The following TINAG variants were observed in gnomAD, a reference collection of about 807,000 sequenced individuals.
The protein encoded by TINAG is tubulointerstitial nephritis antigen.
In TINAG, 83 loss-of-function variants were observed where a neutral mutation model predicts 72.7. That is an observed-to-expected ratio of 1.14 (90% CI 0.96 to 1.37). The LOEUF (loss-of-function observed/expected upper bound fraction) is 1.37, where lower values mean the gene tolerates loss of function less well. Ranked by LOEUF, TINAG falls within the 40% of genes most tolerant of loss-of-function variation. TINAG has a pLI of 0.00. For missense variants in TINAG, 685 were observed against 576.6 expected (o/e 1.19, Z -1.93); for synonymous variants, 234 against 189.9 (o/e 1.23, Z -1.91).
intron 9 of TINAG, among the ~76,000 whole-genome samples, chr6:54,367,517 A>G (rs1464076089): frequency 6.6e-6 from 1 of 151,740 alleles, no homozygotes; most frequent in African/African-American, 2.4e-5. Flanking sequence ...ATAAAAGTAT[A>G]TAGAAGCAAA....
chr6:54,381,614 T>A (rs1562186744), intron 10 of TINAG, among the ~76,000 whole-genome samples: 1 of 152,124 alleles, frequency 6.6e-6, no homozygotes. Context: ...TTCTTCTTTA[T>A]ATTTAAACTG....
intron 9 of TINAG, among the ~76,000 whole-genome samples, chr6:54,359,655 ATTTAC>A (rs1763162179): frequency 1.3e-5 from 2 of 151,836 alleles, no homozygotes; most frequent in South Asian, 2.1e-4. Context: ...ATCTTTATAA[ATTTAC>A]TTTACTCACG....
intron 5 of TINAG, 42 bp from the exon 6 acceptor site, chr6:54,347,325 C>A: frequency 2.5e-6 from 4 of 1,599,860 alleles, no homozygotes; most frequent in East Asian, 2.2e-5. Context: ...TTAGAAATAC[C>A]GTGTATCATT....
At chr6:54,310,122 A>T (rs1175884940) in intron 1 of TINAG, among the ~76,000 whole-genome samples, 1 of 110,802 alleles carries the variant, frequency 9.0e-6, no homozygotes, top group African/African-American at 3.7e-5. Context: ...TTGCTCTGTC[A>T]CCCAGACTGG....
chr6:54,379,565 T>G (rs1562185296), intron 9 of TINAG, among the ~76,000 whole-genome samples: 1 of 152,064 alleles, frequency 6.6e-6, no homozygotes, highest in Non-Finnish European at 1.5e-5. Flanking sequence ...ATAAATATTT[T>G]TACATAAACT....
At chr6:54,378,178 T>A (rs1763838729) in intron 9 of TINAG, among the ~76,000 whole-genome samples, 1 of 152,190 alleles carries the variant, frequency 6.6e-6, no homozygotes, top group Admixed American at 6.6e-5. Flanking sequence ...TATTTTTCCA[T>A]GTGTGATATT....
chr6:54,388,019 T>C (rs1764147825), intron 10 of TINAG, among the ~76,000 whole-genome samples: 2 of 152,304 alleles, frequency 1.3e-5, no homozygotes, highest in African/African-American at 4.8e-5. Flanking sequence ...ACAATCTTTA[T>C]ATACCTTTCC....
chr6:54,310,489 T>C (rs1562142466), intron 1 of TINAG, among the ~76,000 whole-genome samples: 3 of 94,868 alleles, frequency 3.2e-5, no homozygotes, highest in African/African-American at 9.6e-5. Context: ...TCTCTTTCTT[T>C]CTTTTCTTCT....
At chr6:54,341,170 C>T (rs772856038) in intron 4 of TINAG, among the ~76,000 whole-genome samples, 3 of 151,976 alleles carry the variant, frequency 2.0e-5, no homozygotes, top group Non-Finnish European at 2.9e-5. Flanking sequence ...AAACATGAGG[C>T]GACTTAGTAT....
intron 7 of TINAG, among the ~76,000 whole-genome samples, 162 bp from the exon 8 acceptor site, chr6:54,351,190 G>A (rs1366503784): frequency 6.6e-6 from 1 of 151,908 alleles, no homozygotes; most frequent in Non-Finnish European, 1.5e-5. Flanking sequence ...AAACAAATGG[G>A]TGCATCTTGT....
At position 54,339,428 on chromosome 6, in the gene TINAG, G is replaced by A. The variant is rs112694437; in HGVS notation, c.625-3798G>A. ...TACATTTCTGCCAACAGAAAAATAC[G>A]AAAGATCAAGACAAAGGAGTAAAAG... On this transcript the variant is annotated intron_variant, in intron 4 of 10. Transcript: ENST00000259782. Among the ~76,000 whole-genome samples the A allele has an allele frequency of 1.7e-3, 258 of 152,198 alleles. 2 individuals carry two copies. Among genetic ancestry groups the A allele is most frequent in the African/African-American group, 4.5e-3 (188 of 41,526 alleles).
chr6:54,344,524 A>T (rs1206138936), intron 5 of TINAG, among the ~76,000 whole-genome samples: 1 of 152,210 alleles, frequency 6.6e-6, no homozygotes, highest in Non-Finnish European at 1.5e-5. Flanking sequence ...GAGAGGTTTA[A>T]TATAATAAAC....
intron 6 of TINAG, 42 bp downstream of exon 6, chr6:54,347,559 T>C (rs1218686914): frequency 2.5e-6 from 4 of 1,601,880 alleles, no homozygotes; most frequent in Middle Eastern, 1.7e-4. Context: ...TTTTTATGAA[T>C]GATGCATTGT....
At chr6:54,337,394 C>T (rs1199821397) in intron 4 of TINAG, among the ~76,000 whole-genome samples, 2 of 151,932 alleles carry the variant, frequency 1.3e-5, no homozygotes, top group East Asian at 3.9e-4. Context: ...GCTGGGATTA[C>T]AGGCATCTGC....
At position 54,320,602 on chromosome 6, in the gene TINAG, T is replaced by C. The variant is rs571242627; in HGVS notation, c.379T>C (p.Tyr127His). The C allele has an allele frequency of 6.2e-7, 1 of 1,608,160 alleles. No individual in the cohort carries two copies. The highest frequency in any genetic ancestry group is 8.5e-7 in the Non-Finnish European group (1 of 1,177,020). The change falls in exon 2 of 11, where the codon TAT becomes CAT. Residue 127 changes from tyrosine to histidine, a missense_variant. Coordinates refer to ENST00000259782, the MANE Select transcript of TINAG (RefSeq NM_014464.4). ...PEGCFKDGQH[Y>H]EEGSVIKENC... ...AGGTTGCTTCAAAGATGGTCAACAT[T>C]ATGAAGAGGGATCAGTAATTAAAGA...
intron 9 of TINAG, among the ~76,000 whole-genome samples, chr6:54,375,814 A>G (rs1763762342): frequency 6.6e-6 from 1 of 152,196 alleles, no homozygotes; most frequent in African/African-American, 2.4e-5. Context: ...TTTTGCTTCT[A>G]GCCGGCTCTC....
At chr6:54,334,599 T>C (rs921490695) in intron 4 of TINAG, among the ~76,000 whole-genome samples, 9 of 152,042 alleles carry the variant, frequency 5.9e-5, no homozygotes, top group African/African-American at 2.2e-4. Flanking sequence ...GACAGGCAAA[T>C]TGAGGTTGAG....
chr6:54,336,091 G>A lies in TINAG; in HGVS notation c.625-7135G>A, dbSNP rs150252498. Reference sequence around the variant, plus strand: ...TCCTTTAGCTTAAGTCATTATTCCCGTAACATGTCTACTGGCTCCTTCACT... The same window carrying A: ...TCCTTTAGCTTAAGTCATTATTCCCATAACATGTCTACTGGCTCCTTCACT... On this transcript the variant is annotated intron_variant, in intron 4 of 10. Coordinates refer to ENST00000259782, the MANE Select transcript of TINAG (RefSeq NM_014464.4). Among the ~76,000 whole-genome samples the A allele has an allele frequency of 3.9e-3, 587 of 151,974 alleles. 7 individuals carry two copies. Among genetic ancestry groups the A allele is most frequent in the African/African-American group, 0.013 (527 of 41,436 alleles).
At chr6:54,349,335 T>C (rs57677324) in intron 6 of TINAG, among the ~76,000 whole-genome samples, 12,487 of 151,910 alleles carry the variant, frequency 0.082, 903 homozygotes, top group East Asian at 0.3. Context: ...CATTGTCTGG[T>C]TTATATTAAA....
Sources: gnomAD v4.1 joint callset for allele counts (sites outside exome capture counted in the v4.1 genomes callset) on GRCh38, gnomAD v4.1.1 for gene constraint, MANE v1.5 for transcripts, NCBI Gene and HGNC (gene_info 2026-07-23, HGNC 2026-07-21) for gene names.